CACNA1D: variants seen among roughly 807,000 people sequenced by gnomAD.
The protein encoded by CACNA1D is calcium voltage-gated channel subunit alpha1 D.
Under a neutral mutation model 257.1 loss-of-function variants are expected in CACNA1D, and 55 were observed. The ratio of observed to expected loss-of-function variants is 0.21; its 90% CI spans 0.17 to 0.27. The LOEUF is 0.27. CACNA1D is among the 10% of genes least tolerant of loss of function. The pLI is 1.00. For missense variants in CACNA1D, 1,876 were observed against 2,784.0 expected, an observed-to-expected ratio of 0.67 and a Z score of 7.34; for synonymous variants, 980 against 1,014.9, an observed-to-expected ratio of 0.97 and a Z score of 0.65.
chr3:53,650,092 T>A (rs1249534519), intron 3 of CACNA1D, among the ~76,000 whole-genome samples: 1 of 152,222 alleles, frequency 6.6e-6, no homozygotes, highest in African/African-American at 2.4e-5. Flanking sequence ...AGGCTCTGCC[T>A]AGGTTTCCTG....
At chr3:53,742,588 A>G (rs2095128673) in intron 21 of CACNA1D, among the ~76,000 whole-genome samples, 1 of 152,198 alleles carries the variant, frequency 6.6e-6, no homozygotes, top group African/African-American at 2.4e-5. Context: ...TCAAGCCCCC[A>G]CTGGAAAGGC....
intron 35 of CACNA1D, 30 bp downstream of exon 35, chr3:53,776,075 A>C: frequency 6.3e-7 from 1 of 1,596,574 alleles, no homozygotes; most frequent in Non-Finnish European, 8.6e-7. Flanking sequence ...CCCCCTCTCA[A>C]TTTACAGATG....
At chr3:53,739,099 G>A (rs113693612) in intron 20 of CACNA1D, among the ~76,000 whole-genome samples, 216 of 152,290 alleles carry the variant, frequency 1.4e-3, no homozygotes, top group Non-Finnish European at 2.4e-3. Context: ...AGAGGTCCTC[G>A]CATTATTGTG....
chr3:53,654,105 G>C (rs2094125579), intron 4 of CACNA1D, among the ~76,000 whole-genome samples: 1 of 152,112 alleles, frequency 6.6e-6, no homozygotes, highest in Non-Finnish European at 1.5e-5. Flanking sequence ...ACATTCTAGA[G>C]TTTCAGAATT....
chr3:53,531,018 ATTTTT>A (rs11328561), intron 3 of CACNA1D, among the ~76,000 whole-genome samples: 1 of 118,896 alleles, frequency 8.4e-6, no homozygotes. Context: ...GCTAATTTTA[ATTTTT>A]TTTTTTTTTT....
rs1208014287 is a variant in CACNA1D, at chr3:53,495,585, C to A, written c.67+352C>A. 6.6e-6 allele frequency among the ~76,000 whole-genome samples: 1 copy of A among 152,150 alleles called. No homozygotes were observed. Among genetic ancestry groups the A allele is most frequent in the African/African-American group, 2.4e-5 (1 of 41,428 alleles). Reference sequence around the variant, plus strand: ...GGCAGGAGGGCCGCAAGTCTTCAGCCGGAGCCCCCTTGCCAGCCTCTTCTC... The same window carrying A: ...GGCAGGAGGGCCGCAAGTCTTCAGCAGGAGCCCCCTTGCCAGCCTCTTCTC... On this transcript the variant is annotated intron_variant, in intron 1 of 47. Transcript: ENST00000350061. This position sits in a 1 kb window ranked among gnomAD's most constrained non-coding sequence, Gnocchi z 5.1.
At chr3:53,583,624 C>A (rs542834131) in intron 3 of CACNA1D, among the ~76,000 whole-genome samples, 1 of 152,304 alleles carries the variant, frequency 6.6e-6, no homozygotes, top group South Asian at 2.1e-4. Flanking sequence ...CGAGGTGGGA[C>A]TCTCCTCAGG....
intron 3 of CACNA1D, among the ~76,000 whole-genome samples, chr3:53,580,503 G>A (rs1462295824): frequency 1.3e-5 from 2 of 152,194 alleles, no homozygotes; most frequent in Non-Finnish European, 2.9e-5. Flanking sequence ...TGTCTGTGGG[G>A]CAAATAGATA....
chr3:53,783,431 C>T (rs2095436528), intron 39 of CACNA1D, among the ~76,000 whole-genome samples: 1 of 152,184 alleles, frequency 6.6e-6, no homozygotes, highest in Non-Finnish European at 1.5e-5. Flanking sequence ...AATAACTGGA[C>T]CTCGCCTTTT....
intron 33 of CACNA1D, among the ~76,000 whole-genome samples, 187 bp downstream of exon 33, chr3:53,773,085 G>A (rs1559661682): frequency 1.3e-5 from 2 of 152,246 alleles, no homozygotes; most frequent in Non-Finnish European, 2.9e-5. Flanking sequence ...CCCAGGCTCA[G>A]ATGAATGTGG....
chr3:53,502,468 ATT>A (rs562089802), intron 3 of CACNA1D, among the ~76,000 whole-genome samples: 10 of 140,482 alleles, frequency 7.1e-5, no homozygotes, highest in Admixed American at 1.4e-4. Flanking sequence ...TTCTTTAAAC[ATT>A]TTTTTTTTTT....
At chr3:53,636,056 T>G (rs1224072728) in intron 3 of CACNA1D, among the ~76,000 whole-genome samples, 2 of 152,198 alleles carry the variant, frequency 1.3e-5, no homozygotes, top group African/African-American at 4.8e-5. Context: ...AGTTAGAAGC[T>G]CTTTAAATAC....
intron 3 of CACNA1D, among the ~76,000 whole-genome samples, chr3:53,633,932 G>C (rs2093851749): frequency 6.6e-6 from 1 of 152,176 alleles, no homozygotes; most frequent in African/African-American, 2.4e-5. Context: ...TGTAATTAAA[G>C]AAAAACCTAT....
chr3:53,748,615 T>C (rs1345917040), intron 26 of CACNA1D, among the ~76,000 whole-genome samples: 5 of 152,292 alleles, frequency 3.3e-5, no homozygotes, highest in Non-Finnish European at 7.4e-5. Context: ...CCAAGGAGTG[T>C]GACTGTGGCA....
intron 3 of CACNA1D, among the ~76,000 whole-genome samples, chr3:53,505,178 G>A (rs921481984): frequency 3.8e-5 from 5 of 131,712 alleles, no homozygotes; most frequent in East Asian, 4.3e-4. Flanking sequence ...GTGCAATTTC[G>A]GCTCACTGCA....
chr3:53,516,140 G>A (rs773572232), intron 3 of CACNA1D, among the ~76,000 whole-genome samples: 1 of 152,192 alleles, frequency 6.6e-6, no homozygotes, highest in Non-Finnish European at 1.5e-5. Context: ...TACAAATAAT[G>A]TGCGAGGGAG....
At chr3:53,586,028 A>G (rs1252845000) in intron 3 of CACNA1D, among the ~76,000 whole-genome samples, 1 of 152,136 alleles carries the variant, frequency 6.6e-6, no homozygotes, top group Non-Finnish European at 1.5e-5. Flanking sequence ...AGTAGATCCA[A>G]ATATGGTTCA....
At chr3:53,694,033 T>C (rs551852372) in intron 8 of CACNA1D, among the ~76,000 whole-genome samples, 2 of 152,230 alleles carry the variant, frequency 1.3e-5, no homozygotes, top group Non-Finnish European at 2.9e-5. Context: ...TCCTCTTGCA[T>C]CTGCGGCAGT....
At chr3:53,742,186 G>C (rs921680175) in intron 21 of CACNA1D, among the ~76,000 whole-genome samples, 1 of 152,132 alleles carries the variant, frequency 6.6e-6, no homozygotes, top group African/African-American at 2.4e-5. Context: ...GAACACTGGC[G>C]ATTTCATAAG....
Sources: gnomAD v4.1 joint callset for allele counts (sites outside exome capture counted in the v4.1 genomes callset) on GRCh38, gnomAD v4.1.1 for gene constraint, Gnocchi (gnomAD v3.1) non-coding constraint, MANE v1.5 for transcripts, NCBI Gene and HGNC (gene_info 2026-07-23, HGNC 2026-07-21) for gene names.